Variants in TENM2 observed in about 807,000 individuals in gnomAD.
TENM2 encodes the protein teneurin-2.
In TENM2, 52 loss-of-function variants were observed where a neutral mutation model predicts 245.2. The ratio of observed to expected loss-of-function variants is 0.21; its 90% CI spans 0.17 to 0.27. TENM2 has a LOEUF of 0.27. Among genes scored for constraint, TENM2 ranks in the 10% least tolerant of loss-of-function variants. The pLI, the probability that TENM2 is intolerant of heterozygous loss-of-function variation, is 1.00. For missense variants in TENM2, 3,046 were observed against 3,666.8 expected (o/e 0.83, Z 4.37); for synonymous variants, 1,363 against 1,438.9 (o/e 0.95, Z 1.19).
At chr5:167,527,207 C>CA (rs1205273873) in intron 2 of TENM2, among the ~76,000 whole-genome samples, 20 of 152,034 alleles carry the variant, frequency 1.3e-4, no homozygotes, top group Non-Finnish European at 2.2e-4. Context: ...CTTTTTGATG[C>CA]AAAAAGGACA....
At chr5:167,559,263 C>T (rs375560918) in intron 2 of TENM2, among the ~76,000 whole-genome samples, 15 of 152,190 alleles carry the variant, frequency 9.9e-5, no homozygotes, top group African/African-American at 1.7e-4. Context: ...ATCATCCCTC[C>T]GTTGTGTCCC....
rs552343260 is a variant in TENM2 at position 167,817,601 on chromosome 5, A to G, written c.503-58385A>G. On this transcript the variant is annotated intron_variant, in intron 2 of 28. Transcript: ENST00000518659. ...CTGTGAAAAGTAGAACCTTTTCTCTACAAAGTAGGACCTTAAAATCAAAAT... is the reference window on the plus strand; with the variant it reads ...CTGTGAAAAGTAGAACCTTTTCTCTGCAAAGTAGGACCTTAAAATCAAAAT... 4.6e-5 allele frequency among the ~76,000 whole-genome samples: 7 copies of G among 152,342 alleles called. No individual in the cohort carries two copies. In the East Asian group the frequency reaches 1.4e-3, roughly 29 times the overall value.
At chr5:167,509,975 G>T (rs1769823498) in intron 2 of TENM2, among the ~76,000 whole-genome samples, 2 of 152,148 alleles carry the variant, frequency 1.3e-5, no homozygotes, top group African/African-American at 4.8e-5. Context: ...ACTAAAGAAT[G>T]ATATGTAGCT....
chr5:167,962,866 A>G (rs1781117378), intron 4 of TENM2, among the ~76,000 whole-genome samples: 2 of 152,168 alleles, frequency 1.3e-5, no homozygotes, highest in South Asian at 4.1e-4. Flanking sequence ...GGGAACTACA[A>G]TTCAAGATGA....
chr5:167,527,934 A>G (rs1771231937), intron 2 of TENM2, among the ~76,000 whole-genome samples: 1 of 152,124 alleles, frequency 6.6e-6, no homozygotes, highest in African/African-American at 2.4e-5. Flanking sequence ...GCTTTTCTGA[A>G]GCCTCTAGAG....
At chr5:167,944,342 T>G (rs927083487) in intron 3 of TENM2, among the ~76,000 whole-genome samples, 7 of 151,512 alleles carry the variant, frequency 4.6e-5, no homozygotes, top group Non-Finnish European at 7.4e-5. Flanking sequence ...AATTCCCAGC[T>G]CGCCCTCAGA....
intron 1 of TENM2, among the ~76,000 whole-genome samples, chr5:167,323,609 A>G (rs965281225): frequency 2.6e-5 from 4 of 152,192 alleles, no homozygotes; most frequent in African/African-American, 9.7e-5. Context: ...AAGTCAAAAA[A>G]TTGAGAAGAG....
chr5:167,570,677 C>T (rs889359046), intron 2 of TENM2, among the ~76,000 whole-genome samples: 2 of 152,130 alleles, frequency 1.3e-5, no homozygotes, highest in Non-Finnish European at 2.9e-5. Context: ...ATTTCACCGC[C>T]CTTCATGTGT....
At chr5:167,976,300 A>C (rs1044002818) in intron 4 of TENM2, among the ~76,000 whole-genome samples, 2 of 152,178 alleles carry the variant, frequency 1.3e-5, no homozygotes. Flanking sequence ...TTCATTTCTC[A>C]AATGAGAGAT....
chr5:167,454,379 A>G (rs1765778234), intron 2 of TENM2, among the ~76,000 whole-genome samples: 1 of 152,182 alleles, frequency 6.6e-6, no homozygotes, highest in Non-Finnish European at 1.5e-5. Flanking sequence ...AATTAAGAAG[A>G]TCAAGGGGTC....
At chr5:167,226,967 T>TAA in the TENM2 span, among the ~76,000 whole-genome samples, 1 of 151,914 alleles carries the variant, frequency 6.6e-6, no homozygotes, top group African/African-American at 2.4e-5. Context: ...TGTATATATA[T>TAA]AATGTAAATA....
At chr5:167,799,117 C>T (rs566985663) in intron 2 of TENM2, among the ~76,000 whole-genome samples, 3 of 152,310 alleles carry the variant, frequency 2.0e-5, no homozygotes, top group East Asian at 3.9e-4. Flanking sequence ...ACCCATGCAT[C>T]TGGTCTCCAA....
At chr5:167,789,142 A>C (rs1764777125) in intron 2 of TENM2, among the ~76,000 whole-genome samples, 1 of 152,244 alleles carries the variant, frequency 6.6e-6, no homozygotes, top group Admixed American at 6.5e-5. Flanking sequence ...ATCAATAAAA[A>C]AACTAACAGA....
intron 3 of TENM2, among the ~76,000 whole-genome samples, chr5:167,943,136 T>C: frequency 6.6e-6 from 1 of 152,236 alleles, no homozygotes; most frequent in East Asian, 1.9e-4. Context: ...ATAAGGCATG[T>C]ACCAGGAGAG....
chr5:166,989,028 A>T, the TENM2 span, among the ~76,000 whole-genome samples: 5 of 152,214 alleles, frequency 3.3e-5, no homozygotes, highest in South Asian at 6.2e-4. Context: ...ATATGATGAG[A>T]TTCCCTCAAA....
At chr5:167,792,921 C>T (rs1765082764) in intron 2 of TENM2, among the ~76,000 whole-genome samples, 1 of 152,116 alleles carries the variant, frequency 6.6e-6, no homozygotes, top group Non-Finnish European at 1.5e-5. Context: ...CTGAGCTTTC[C>T]AATTTGTCTC....
chr5:168,264,128 C>T (rs934340002), downstream of TENM2: 1 of 152,348 alleles, frequency 6.6e-6, no homozygotes, highest in Non-Finnish European at 1.5e-5. Flanking sequence ...ATTGTTTATA[C>T]ATAAATAAAG....
At chr5:167,270,503 ATTC>A in the TENM2 span, among the ~76,000 whole-genome samples, 1 of 152,126 alleles carries the variant, frequency 6.6e-6, no homozygotes, top group Admixed American at 6.6e-5. Context: ...ATTTCCCTCA[ATTC>A]TTCTTTGTCT....
the TENM2 span, among the ~76,000 whole-genome samples, chr5:167,038,668 G>T: frequency 7.9e-4 from 120 of 152,282 alleles, 2 homozygotes; most frequent in Middle Eastern, 0.024. Flanking sequence ...GAACGGTCTT[G>T]TGGCCAATAG....
Sources: gnomAD v4.1 joint callset for allele counts (sites outside exome capture counted in the v4.1 genomes callset) on GRCh38, gnomAD v4.1.1 for gene constraint, MANE v1.5 for transcripts, NCBI Gene and HGNC (gene_info 2026-07-23, HGNC 2026-07-21) for gene names.